The following AGBL1 variants were observed in gnomAD, a reference collection of about 807,000 sequenced individuals.
The protein encoded by AGBL1 is cytosolic carboxypeptidase 4.
In AGBL1, 130 loss-of-function variants were observed where a neutral mutation model predicts 118.9. The ratio of observed to expected loss-of-function variants is 1.09; its 90% CI spans 0.95 to 1.26. The LOEUF is 1.26. AGBL1 is among the 50% of genes most tolerant of loss of function. The pLI is 0.00. For synonymous variants in AGBL1, 555 were observed against 478.9 expected, an observed-to-expected ratio of 1.16 and a Z score of -2.08; for missense variants, 1,584 against 1,298.1, an observed-to-expected ratio of 1.22 and a Z score of -3.38.
intron 18 of AGBL1, among the ~76,000 whole-genome samples, chr15:86,509,987 G>A (rs1334359658): frequency 1.4e-5 from 2 of 146,878 alleles, no homozygotes; most frequent in Admixed American, 6.8e-5. Flanking sequence ...GGCACTGAGT[G>A]CTATCCATTT....
intron 18 of AGBL1, among the ~76,000 whole-genome samples, chr15:86,402,546 T>A (rs2081464442): frequency 6.6e-6 from 1 of 152,158 alleles, no homozygotes; most frequent in Non-Finnish European, 1.5e-5. Context: ...GAAAGAAATG[T>A]CCTGTGTGTT....
intron 22 of AGBL1, among the ~76,000 whole-genome samples, chr15:86,683,391 T>C (rs2142575428): frequency 6.6e-6 from 1 of 152,280 alleles, no homozygotes; most frequent in East Asian, 1.9e-4. Flanking sequence ...GAGAAAAAGA[T>C]TGCACATGCC....
chr15:86,576,907 C>CCGTAA (rs2084099664), intron 21 of AGBL1, among the ~76,000 whole-genome samples: 1 of 152,198 alleles, frequency 6.6e-6, no homozygotes, highest in Non-Finnish European at 1.5e-5. Context: ...CATGTGGTAA[C>CCGTAA]CGTAAGTCCA....
At chr15:86,136,548 A>C (rs2076891755) in intron 1 of AGBL1, among the ~76,000 whole-genome samples, 1 of 152,150 alleles carries the variant, frequency 6.6e-6, no homozygotes, top group South Asian at 2.1e-4. Context: ...AAGAAAAGGA[A>C]CTGGAGCTGA....
chr15:86,350,527 C>T (rs754372722), intron 17 of AGBL1, among the ~76,000 whole-genome samples: 38 of 152,140 alleles, frequency 2.5e-4, no homozygotes, highest in Non-Finnish European at 4.6e-4. Context: ...TTTGCTGTTC[C>T]GTATACATAG....
intron 18 of AGBL1, among the ~76,000 whole-genome samples, chr15:86,490,511 C>T (rs867841669): frequency 3.2e-4 from 48 of 152,172 alleles, no homozygotes; most frequent in Middle Eastern, 6.8e-3. Context: ...CTTTTGGATG[C>T]TTATTTACTT....
chr15:86,460,628 G>A (rs1183432972), intron 18 of AGBL1, among the ~76,000 whole-genome samples: 3 of 152,196 alleles, frequency 2.0e-5, no homozygotes, highest in Non-Finnish European at 4.4e-5. Context: ...ACGAACTTGG[G>A]AATTTGCAAG....
intron 22 of AGBL1, among the ~76,000 whole-genome samples, chr15:86,791,385 A>C (rs2078491098): frequency 6.6e-6 from 1 of 152,118 alleles, no homozygotes; most frequent in Admixed American, 6.5e-5. Flanking sequence ...GATGCACTGT[A>C]GTTTGCATGA....
chr15:86,398,560 T>C (rs2081400838), intron 18 of AGBL1, among the ~76,000 whole-genome samples: 1 of 151,890 alleles, frequency 6.6e-6, no homozygotes. Flanking sequence ...TAGAGCAATA[T>C]TAAAATTGTT....
At chr15:86,802,073 A>G (rs2078657655) in intron 22 of AGBL1, among the ~76,000 whole-genome samples, 3 of 152,140 alleles carry the variant, frequency 2.0e-5, no homozygotes, top group African/African-American at 2.4e-5. Flanking sequence ...ATAGTTAGGG[A>G]TTTAAATTTG....
intron 22 of AGBL1, among the ~76,000 whole-genome samples, chr15:86,711,901 C>A (rs2086566100): frequency 6.6e-6 from 1 of 152,302 alleles, no homozygotes; most frequent in Non-Finnish European, 1.5e-5. Flanking sequence ...GAGCAGCTAT[C>A]ACATATGTCT....
At chr15:86,461,660 A>T (rs1267294698) in intron 18 of AGBL1, among the ~76,000 whole-genome samples, 1 of 152,200 alleles carries the variant, frequency 6.6e-6, no homozygotes, top group African/African-American at 2.4e-5. Flanking sequence ...AAACATTTAT[A>T]TTTGGGTGTA....
At chr15:86,653,019 C>T (rs1185530353) in intron 21 of AGBL1, among the ~76,000 whole-genome samples, 1 of 152,132 alleles carries the variant, frequency 6.6e-6, no homozygotes, top group Admixed American at 6.6e-5. Context: ...TGTAGAGAAT[C>T]CTTGTTATAG....
chr15:86,869,687 TAAC>T (rs995883277), intron 22 of AGBL1, among the ~76,000 whole-genome samples: 8 of 152,218 alleles, frequency 5.3e-5, no homozygotes, highest in African/African-American at 1.9e-4. Flanking sequence ...AATGATAAAA[TAAC>T]AATAATAATT....
At chr15:86,634,703 T>A (rs1312332721) in intron 21 of AGBL1, among the ~76,000 whole-genome samples, 1 of 152,158 alleles carries the variant, frequency 6.6e-6, no homozygotes, top group African/African-American at 2.4e-5. Flanking sequence ...TTTTATAATA[T>A]GTAAATTATT....
At position 86,080,313 on chromosome 15, in the gene AGBL1, A is replaced by G. The variant is rs545642013; in HGVS notation, c.51+290A>G. On this transcript the variant is annotated intron_variant, in intron 1 of 22. Coordinates refer to ENST00000614907, the MANE Select transcript of AGBL1 (RefSeq NM_001386094.1). Reference sequence around the variant, plus strand: ...TCTAGAAATGGGAAAGGTGGAGAAAAAGCCTGTTTGGCAAATGAAGGGGAC... The same window carrying G: ...TCTAGAAATGGGAAAGGTGGAGAAAGAGCCTGTTTGGCAAATGAAGGGGAC... 3 of 278,528 alleles carry G rather than the reference A, an allele frequency of 1.1e-5. No individual in the cohort carries two copies. In the South Asian group the frequency reaches 5.0e-4, roughly 46 times the overall value. 17.3% of individuals were successfully genotyped at this position (278,528 alleles called of 1,614,324 possible). A position where few individuals can be genotyped will look rare whatever the true frequency, so the allele number is the denominator to read the frequency against.
chr15:86,804,080 A>G (rs2078686970), intron 22 of AGBL1, among the ~76,000 whole-genome samples: 1 of 152,218 alleles, frequency 6.6e-6, no homozygotes, highest in African/African-American at 2.4e-5. Context: ...AAAGCCAAGT[A>G]CAGGCTAGAA....
chr15:86,923,795 C>T (rs1009291616), intron 23 of AGBL1, among the ~76,000 whole-genome samples: 3 of 152,160 alleles, frequency 2.0e-5, no homozygotes, highest in Non-Finnish European at 2.9e-5. Context: ...TTATTTTCCT[C>T]ATTATATGAA....
intron 22 of AGBL1, among the ~76,000 whole-genome samples, chr15:86,838,776 C>CA (rs1325443481): frequency 3.3e-5 from 5 of 149,534 alleles, no homozygotes; most frequent in Non-Finnish European, 4.5e-5. Flanking sequence ...CTCATCCCTA[C>CA]AAAAAAAAAT....
Sources: allele counts gnomAD v4.1 joint callset (sites outside exome capture counted in the v4.1 genomes callset), GRCh38; gene constraint gnomAD v4.1.1; transcripts MANE v1.5; gene names NCBI Gene and HGNC (gene_info 2026-07-23, HGNC 2026-07-21).